Variants in FGF9 observed in about 807,000 individuals in gnomAD.
The protein encoded by FGF9 is fibroblast growth factor 9.
In FGF9, 3 loss-of-function variants were observed where a neutral mutation model predicts 19.9. The observed-to-expected ratio is 0.15, with a 90% CI of 0.07 to 0.39. FGF9 has a LOEUF of 0.39. Ranked by LOEUF, FGF9 falls within the 10% of genes least tolerant of loss-of-function variation. FGF9 has a pLI of 1.00. For missense variants in FGF9, 175 were observed against 256.8 expected, an observed-to-expected ratio of 0.68 and a Z score of 2.18; for synonymous variants, 107 against 106.9, an observed-to-expected ratio of 1.00 and a Z score of -0.01.
chr13:21,700,579 C>A (rs530527224), intron 2 of FGF9, among the ~76,000 whole-genome samples: 1 of 152,336 alleles, frequency 6.6e-6, no homozygotes, highest in African/African-American at 2.4e-5. Flanking sequence ...TCTGACATCA[C>A]TGATCATGTT....
chr13:21,682,980 TTATA>T (rs1427077502), intron 2 of FGF9, among the ~76,000 whole-genome samples: 2 of 152,160 alleles, frequency 1.3e-5, no homozygotes. Context: ...AAAGTATAGT[TTATA>T]TATGTTATTT....
At chr13:21,674,398 T>G in intron 1 of FGF9, among the ~76,000 whole-genome samples, 1 of 151,226 alleles carries the variant, frequency 6.6e-6, no homozygotes, top group African/African-American at 2.4e-5. Flanking sequence ...GGGGGCGGCG[T>G]GCTATTGTTA....
chr13:21,695,111 T>TGA (rs1872377328), intron 2 of FGF9, among the ~76,000 whole-genome samples: 1 of 151,196 alleles, frequency 6.6e-6, no homozygotes, highest in African/African-American at 2.5e-5. Flanking sequence ...TGTGTGTGTG[T>TGA]GTGTGAGAGA....
chr13:21,671,872 C>T lies in FGF9; in HGVS notation c.-41C>T, dbSNP rs1439147125. 1 of 1,612,776 alleles carries T rather than the reference C, an allele frequency of 6.2e-7. No individual in the cohort carries two copies. Among genetic ancestry groups the T allele is most frequent in the East Asian group, 2.2e-5 (1 of 44,852 alleles). On this transcript the variant is annotated 5_prime_UTR_variant, in exon 1 of 3. Coordinates refer to ENST00000382353, the MANE Select transcript of FGF9 (RefSeq NM_002010.3). The stretch of plus-strand genomic sequence containing the variant: ...CTAATATCTCCTGGGTTGACACCAT[C>T]ATTATTGTTTATTCTTGTGCTCCAA...
chr13:21,671,447 T>G lies in FGF9; in HGVS notation c.-466T>G. On this transcript the variant is annotated 5_prime_UTR_variant, in exon 1 of 3. Coordinates refer to ENST00000382353, the MANE Select transcript of FGF9 (RefSeq NM_002010.3). Reference sequence around the variant, plus strand: ...TTAGAGAGTAAAAACAGCGCATGCCTTCCTGGAGTCAGGATCCGTAAATTC... The same window carrying G: ...TTAGAGAGTAAAAACAGCGCATGCCGTCCTGGAGTCAGGATCCGTAAATTC... The G allele has an allele frequency of 2.3e-6, 1 of 426,246 alleles. No homozygotes were observed. Among genetic ancestry groups the G allele is most frequent in the Non-Finnish European group, 4.1e-6 (1 of 242,644 alleles). The allele number at this position is 426,246 out of a possible 1,614,324, so 26.4% of individuals were successfully genotyped here.
intron 1 of FGF9, among the ~76,000 whole-genome samples, chr13:21,673,767 G>A (rs962872755): frequency 6.6e-6 from 1 of 151,118 alleles, no homozygotes; most frequent in African/African-American, 2.4e-5. Context: ...CGCGCCGACC[G>A]AAGCGAGCGG....
At position 21,701,229 on chromosome 13, in the gene FGF9, G is replaced by C; in HGVS notation, c.421G>C (p.Glu141Gln). The C allele has an allele frequency of 6.2e-7, 1 of 1,613,592 alleles. No homozygotes were observed. Among genetic ancestry groups the C allele is most frequent in the Non-Finnish European group, 8.5e-7 (1 of 1,179,796 alleles). Residue 141 changes from glutamate (E) to glutamine (Q), a missense_variant, in exon 3 of 3, where the codon GAA becomes CAA. By Grantham distance (29) the Glu-to-Gln change is conservative (BLOSUM62 2). Around this residue, in one of 3 missense-constraint regions of FGF9, gnomAD observed 101 missense variants for 160.7 expected, o/e 0.63. Coordinates refer to ENST00000382353, the MANE Select transcript of FGF9 (RefSeq NM_002010.3). ...TQECVFREQFEENWYNTYSSN... is the reference protein window; with the variant it reads ...TQECVFREQFQENWYNTYSSN... ...AGAGTGTGTATTCAGAGAACAGTTCGAAGAAAACTGGTATAATACGTACTC... is the reference window on the plus strand; with the variant it reads ...AGAGTGTGTATTCAGAGAACAGTTCCAAGAAAACTGGTATAATACGTACTC...
At chr13:21,677,054 A>T (rs1871933145) in intron 1 of FGF9, among the ~76,000 whole-genome samples, 1 of 152,166 alleles carries the variant, frequency 6.6e-6, no homozygotes, top group Admixed American at 6.5e-5. Flanking sequence ...CTCACACCTC[A>T]TCAAATCCAA....
Position 21,695,532 on chromosome 13 carries a change from G to A in FGF9, c.382-5658G>A, listed in dbSNP as rs377637973. On this transcript the variant is annotated intron_variant, in intron 2 of 2. Transcript: ENST00000382353. ...TAGTGCCCTCTTGCCTCGTCTGTCT[G>A]TGTTTGTTGCTTTCTGTGTAGTTGG... Among the ~76,000 whole-genome samples the A allele has an allele frequency of 8.9e-4, 135 of 152,294 alleles. 3 individuals carry two copies. Among genetic ancestry groups the A allele is most frequent in the South Asian group, 8.3e-3 (40 of 4,818 alleles).
chr13:21,703,168 CAA>C lies in FGF9; in HGVS notation c.*1735_*1736del, dbSNP rs954774989. 81 of 152,322 alleles carry C rather than the reference CAA, an allele frequency of 5.3e-4. No homozygotes were observed. The highest frequency in any genetic ancestry group is 1.9e-3 in the African/African-American group (78 of 41,568). 9.4% of individuals were successfully genotyped at this position (152,322 alleles called of 1,614,324 possible). On this transcript the variant is annotated 3_prime_UTR_variant, in exon 3 of 3. Coordinates refer to ENST00000382353, the MANE Select transcript of FGF9 (RefSeq NM_002010.3). ...TTCTAGCCAGTTGTGTTGAGAAGTG[CAA>C]AGTGACGGTTTAAACATGTGTTGGG...
intron 1 of FGF9, among the ~76,000 whole-genome samples, chr13:21,675,377 G>C (rs1042409099): frequency 6.6e-6 from 1 of 152,110 alleles, no homozygotes; most frequent in Non-Finnish European, 1.5e-5. Flanking sequence ...TCCGCAGAGC[G>C]GTGGTGCGTG....
Position 21,674,829 on chromosome 13 carries a change from G to A in FGF9, c.277+2640G>A, listed in dbSNP as rs557370294. On this transcript the variant is annotated intron_variant, in intron 1 of 2. Transcript: ENST00000382353. ...GGATGCAAGGGCGGGGGCCACGCGG[G>A]AGGGGAGGGCAGGAGAGGCGCATTC... 3.3e-5 allele frequency among the ~76,000 whole-genome samples: 5 copies of A among 152,012 alleles called. No homozygotes were observed. In the South Asian group the frequency reaches 1.0e-3, roughly 32 times the overall value.
At chr13:21,692,982 T>C (rs1422653293) in intron 2 of FGF9, among the ~76,000 whole-genome samples, 1 of 152,238 alleles carries the variant, frequency 6.6e-6, no homozygotes, top group East Asian at 1.9e-4. Context: ...TTTGTGATTA[T>C]ACTTATTATT....
intron 2 of FGF9, among the ~76,000 whole-genome samples, chr13:21,690,808 G>A (rs1316788234): frequency 6.6e-6 from 1 of 152,198 alleles, no homozygotes; most frequent in Non-Finnish European, 1.5e-5. Flanking sequence ...CATGTGCCAT[G>A]TTTTGTGCTT....
At chr13:21,681,011 C>G in intron 1 of FGF9, 31 bp from the exon 2 acceptor site, 1 of 1,503,848 alleles carries the variant, frequency 6.6e-7, no homozygotes, top group East Asian at 2.3e-5. Context: ...GTGATCTGAT[C>G]TGTCCTCTGC....
rs769287069 is a variant in FGF9 at position 21,672,053 on chromosome 13, G to A, written c.141G>A (p.Arg47=). 3.7e-6 allele frequency: 6 copies of A among 1,614,212 alleles called. No individual in the cohort carries two copies. The highest frequency in any genetic ancestry group is 5.1e-6 in the Non-Finnish European group (6 of 1,180,044). ...LGQSEAGGLP[R]GPAVTDLDHL... ...AGTCCGAAGCAGGGGGGCTCCCCAG[G>A]GGACCCGCAGTCACGGACTTGGATC... Residue 47 remains arginine, a synonymous_variant, in exon 1 of 3, where the codon AGG becomes AGA. Transcript: ENST00000382353. This position sits in a 1 kb window ranked among gnomAD's most constrained non-coding sequence, Gnocchi z 4.2.
At position 21,680,948 on chromosome 13, in the gene FGF9, C is replaced by T. The variant is rs534570841; in HGVS notation, c.278-94C>T. ...GGGGTTATCCAAGTGGGGAGCTGGG[C>T]TTAGTGTCCTCTCCAAAACCCCAGG... On this transcript the variant is annotated intron_variant, in intron 1 of 2. Coordinates refer to ENST00000382353, the MANE Select transcript of FGF9 (RefSeq NM_002010.3). The T allele has an allele frequency of 3.6e-5, 32 of 877,278 alleles. 1 individual carries two copies. The South Asian group carries it at 3.9e-4, about 11-fold the overall frequency. The allele number at this position is 877,278 out of a possible 1,614,324, so 54.3% of individuals were successfully genotyped here.
chr13:21,686,420 G>A (rs978482023), intron 2 of FGF9, among the ~76,000 whole-genome samples: 31 of 152,310 alleles, frequency 2.0e-4, no homozygotes, highest in African/African-American at 7.2e-4. Context: ...CCTTCAAGAA[G>A]CTTGCATTTA....
intron 1 of FGF9, among the ~76,000 whole-genome samples, chr13:21,679,456 G>A (rs1398286135): frequency 1.3e-5 from 2 of 152,104 alleles, no homozygotes; most frequent in Non-Finnish European, 2.9e-5. Context: ...TTAGTCACAT[G>A]AGACTGACTA....
Sources: gnomAD v4.1 joint callset for allele counts (sites outside exome capture counted in the v4.1 genomes callset) on GRCh38, gnomAD v4.1.1 for gene constraint, gnomAD v4.1.1 regional missense constraint, Gnocchi (gnomAD v3.1) non-coding constraint, MANE v1.5 for transcripts, NCBI Gene and HGNC (gene_info 2026-07-23, HGNC 2026-07-21) for gene names.